The following GRIK3 variants were observed in gnomAD, a reference collection of about 807,000 sequenced individuals.
The protein encoded by GRIK3 is glutamate receptor ionotropic, kainate 3.
A neutral mutation model predicts 102.5 loss-of-function variants in GRIK3; 29 were observed. That is an observed-to-expected ratio of 0.28 (90% CI 0.21 to 0.39). GRIK3 has a LOEUF of 0.39. Among genes scored for constraint, GRIK3 ranks in the 10% least tolerant of loss-of-function variants. GRIK3 has a pLI of 1.00. For missense variants in GRIK3, 908 were observed against 1,252.4 expected (o/e 0.73, Z 4.15); for synonymous variants, 511 against 504.9 (o/e 1.01, Z -0.16).
At chr1:36,845,461 C>T (rs1374845860) in intron 9 of GRIK3, among the ~76,000 whole-genome samples, 1 of 152,202 alleles carries the variant, frequency 6.6e-6, no homozygotes, top group Non-Finnish European at 1.5e-5. Context: ...AGCGTGCAAG[C>T]CAGGCCTAGC....
chr1:36,879,383 A>C (rs1459485102), intron 3 of GRIK3, among the ~76,000 whole-genome samples: 1 of 152,004 alleles, frequency 6.6e-6, no homozygotes, highest in Non-Finnish European at 1.5e-5. Context: ...AGTTCCAGCT[A>C]TTTGGGAGAC....
At chr1:36,891,210 A>C in intron 1 of GRIK3, 114 bp from the exon 2 acceptor site, 1 of 743,124 alleles carries the variant, frequency 1.3e-6, no homozygotes, top group Non-Finnish European at 2.3e-6. Context: ...AATGTTCAAT[A>C]ATATCCTAGG....
chr1:36,821,440 C>T (rs770165010), intron 11 of GRIK3, among the ~76,000 whole-genome samples: 3 of 152,154 alleles, frequency 2.0e-5, no homozygotes, highest in East Asian at 1.9e-4. Context: ...TCCCAGGGGG[C>T]GAGGCAGCTC....
chr1:36,940,648 C>T (rs559857415), intron 1 of GRIK3, among the ~76,000 whole-genome samples: 1 of 152,228 alleles, frequency 6.6e-6, no homozygotes, highest in African/African-American at 2.4e-5. Context: ...CACTGCCCAG[C>T]ATCTGAGGGG....
At chr1:36,973,416 CTTTTTTTTTTTT>C (rs35394730) in intron 1 of GRIK3, among the ~76,000 whole-genome samples, 1 of 114,950 alleles carries the variant, frequency 8.7e-6, no homozygotes, top group Non-Finnish European at 1.7e-5. Flanking sequence ...CTTCTTTTTC[CTTTTTTTTTTTT>C]TTTTTTTTTG....
chr1:36,969,686 T>C (rs1264996944), intron 1 of GRIK3, among the ~76,000 whole-genome samples: 2 of 152,212 alleles, frequency 1.3e-5, no homozygotes, highest in African/African-American at 2.4e-5. Flanking sequence ...GAGAGGACAC[T>C]GGCATAAGCA....
chr1:36,962,809 G>A (rs1002817072), intron 1 of GRIK3, among the ~76,000 whole-genome samples: 6 of 150,896 alleles, frequency 4.0e-5, no homozygotes, highest in East Asian at 3.9e-4. Flanking sequence ...GCTTGAACCC[G>A]GGAGGCGGAG....
chr1:36,846,858 T>A (rs892610201), intron 9 of GRIK3, among the ~76,000 whole-genome samples: 2 of 152,182 alleles, frequency 1.3e-5, no homozygotes, highest in Non-Finnish European at 2.9e-5. Flanking sequence ...GCATCTCTCC[T>A]CAGGAGACTC....
chr1:36,963,712 C>T (rs970027120), intron 1 of GRIK3, among the ~76,000 whole-genome samples: 1 of 152,174 alleles, frequency 6.6e-6, no homozygotes, highest in African/African-American at 2.4e-5. Flanking sequence ...AGTTCCCCAC[C>T]TCTGAAGGCC....
chr1:36,869,243 C>T (rs1640818101), intron 5 of GRIK3, among the ~76,000 whole-genome samples: 1 of 152,176 alleles, frequency 6.6e-6, no homozygotes, highest in African/African-American at 2.4e-5. Context: ...AGTGAGTGGG[C>T]AGACTTCAGT....
intron 1 of GRIK3, among the ~76,000 whole-genome samples, chr1:37,016,373 T>G (rs546614093): frequency 2.0e-5 from 3 of 152,300 alleles, no homozygotes; most frequent in African/African-American, 7.2e-5. Flanking sequence ...TAGACTCACC[T>G]TAGGGTTAAA....
intron 1 of GRIK3, among the ~76,000 whole-genome samples, chr1:36,963,706 C>T (rs1349678058): frequency 4.6e-5 from 7 of 152,114 alleles, no homozygotes; most frequent in Non-Finnish European, 1.0e-4. Context: ...TGTGAGAGTT[C>T]CCCACCTCTG....
intron 1 of GRIK3, among the ~76,000 whole-genome samples, chr1:36,938,774 G>T (rs902732124): frequency 6.6e-6 from 1 of 152,210 alleles, no homozygotes; most frequent in African/African-American, 2.4e-5. Flanking sequence ...CTGTTGGGGG[G>T]TTGACAGCTG....
intron 1 of GRIK3, among the ~76,000 whole-genome samples, chr1:36,943,292 C>A (rs556240661): frequency 3.3e-5 from 5 of 152,186 alleles, no homozygotes; most frequent in South Asian, 2.1e-4. Context: ...CTCCTCCTCC[C>A]TCCCCCATCC....
chr1:36,901,945 A>T (rs1641236008), intron 1 of GRIK3, among the ~76,000 whole-genome samples: 1 of 152,264 alleles, frequency 6.6e-6, no homozygotes, highest in Non-Finnish European at 1.5e-5. Flanking sequence ...GCAATGAACA[A>T]ATGGAATTTG....
rs536194088 is a variant in GRIK3, at chr1:37,025,483, G to A, written c.115+8511C>T. 1.1e-4 allele frequency among the ~76,000 whole-genome samples: 16 copies of A among 152,314 alleles called. No homozygotes were observed. In the East Asian group the frequency reaches 2.9e-3, roughly 28 times the overall value. On this transcript the variant is annotated intron_variant, in intron 1 of 15. Transcript: ENST00000373091. ...GAACCAGAGGCCTAGAATGACCCCC[G>A]GGGTCTTTTCAGCCTAGATTATTTG... is the stretch of plus-strand genomic sequence containing the variant.
chr1:36,810,600 A>G (rs1448342165), intron 13 of GRIK3, among the ~76,000 whole-genome samples: 1 of 152,240 alleles, frequency 6.6e-6, no homozygotes, highest in Non-Finnish European at 1.5e-5. Context: ...GCAATTCCAA[A>G]GGGAGCTGAA....
chr1:36,828,573 T>C (rs948869317), intron 10 of GRIK3, among the ~76,000 whole-genome samples: 2 of 152,182 alleles, frequency 1.3e-5, no homozygotes, highest in African/African-American at 4.8e-5. Context: ...TGTGTGGAAG[T>C]ATAGCCTATG....
At chr1:36,963,569 T>C (rs1406062428) in intron 1 of GRIK3, among the ~76,000 whole-genome samples, 1 of 152,160 alleles carries the variant, frequency 6.6e-6, no homozygotes, top group Non-Finnish European at 1.5e-5. Flanking sequence ...CATCTGAGGC[T>C]CAGAGAGGTC....
Sources: allele counts gnomAD v4.1 joint callset (sites outside exome capture counted in the v4.1 genomes callset), GRCh38; gene constraint gnomAD v4.1.1; transcripts MANE v1.5; gene names NCBI Gene and HGNC (gene_info 2026-07-23, HGNC 2026-07-21).